The following GRIN2B variants were observed in gnomAD, a reference collection of about 807,000 sequenced individuals.
The protein encoded by GRIN2B is glutamate receptor ionotropic, NMDA 2B.
GRIN2B carries 5 observed loss-of-function variants against 114.5 expected under a neutral mutation model. The observed-to-expected ratio is 0.04, with a 90% CI of 0.02 to 0.09. The LOEUF (loss-of-function observed/expected upper bound fraction) is 0.09, where lower values mean the gene tolerates loss of function less well. Among genes scored for constraint, GRIN2B ranks in the 10% least tolerant of loss-of-function variants. The pLI, the probability that GRIN2B is intolerant of heterozygous loss-of-function variation, is 1.00. For synonymous variants in GRIN2B, 787 were observed against 745.1 expected, an observed-to-expected ratio of 1.06 and a Z score of -0.92; for missense variants, 1,108 against 1,943.5, an observed-to-expected ratio of 0.57 and a Z score of 8.08.
intron 3 of GRIN2B, 83 bp downstream of exon 3, chr12:13,865,711 TAACA>T: frequency 2.7e-6 from 3 of 1,121,300 alleles, no homozygotes; most frequent in Non-Finnish European, 4.1e-6. Flanking sequence ...CTTCCATCAT[TAACA>T]ATCAAGTTTT....
intron 10 of GRIN2B, among the ~76,000 whole-genome samples, chr12:13,607,092 G>C (rs995249536): frequency 1.4e-5 from 2 of 141,366 alleles, no homozygotes; most frequent in African/African-American, 5.3e-5. Flanking sequence ...CACACTGGCA[G>C]CCCTGTGCAT....
chr12:13,914,314 A>G (rs915539200), intron 2 of GRIN2B, among the ~76,000 whole-genome samples: 3 of 152,192 alleles, frequency 2.0e-5, no homozygotes, highest in African/African-American at 7.2e-5. Flanking sequence ...CATGGTACTT[A>G]ATGCCTCTTA....
At chr12:13,887,747 G>T (rs1866189756) in intron 2 of GRIN2B, among the ~76,000 whole-genome samples, 1 of 152,144 alleles carries the variant, frequency 6.6e-6, no homozygotes, top group African/African-American at 2.4e-5. Context: ...TATTTCTTTG[G>T]AGCAATCTCG....
At position 13,559,442 on chromosome 12, in the gene GRIN2B, G is replaced by A. The variant is rs1418785838; in HGVS notation, c.*3341C>T. On this transcript the variant is annotated 3_prime_UTR_variant, in exon 14 of 14. Transcript: ENST00000609686. Reference sequence around the variant, plus strand: ...TAGGAAAAGAAGTTCTATTTGTCTGGTTAACCCAAGGCCAGATTATGAACA... The same window carrying A: ...TAGGAAAAGAAGTTCTATTTGTCTGATTAACCCAAGGCCAGATTATGAACA... 2 of 152,138 alleles carry A rather than the reference G, an allele frequency of 1.3e-5. No homozygotes were observed. Among genetic ancestry groups the A allele is most frequent in the Non-Finnish European group, 2.9e-5 (2 of 68,044 alleles). 9.4% of individuals were successfully genotyped at this position (152,138 alleles called of 1,614,324 possible).
intron 13 of GRIN2B, among the ~76,000 whole-genome samples, chr12:13,566,094 T>G (rs1245818983): frequency 3.3e-5 from 5 of 152,198 alleles, no homozygotes; most frequent in Admixed American, 6.5e-5. Flanking sequence ...CAGCCTCCTG[T>G]TCTGAGCTCA....
chr12:13,907,216 C>T (rs190515223), intron 2 of GRIN2B, among the ~76,000 whole-genome samples: 23 of 152,278 alleles, frequency 1.5e-4, no homozygotes, highest in Admixed American at 3.9e-4. Context: ...GAGGGCCGGG[C>T]GTGGTGGCTC....
At chr12:13,614,207 AC>A (rs1295076895) in intron 8 of GRIN2B, among the ~76,000 whole-genome samples, 3 of 152,198 alleles carry the variant, frequency 2.0e-5, no homozygotes, top group Non-Finnish European at 4.4e-5. Flanking sequence ...CTATAACTCC[AC>A]TTTGCAATGC....
chr12:13,823,065 C>T (rs1251380265), intron 3 of GRIN2B, among the ~76,000 whole-genome samples: 1 of 151,998 alleles, frequency 6.6e-6, no homozygotes, highest in Non-Finnish European at 1.5e-5. Context: ...ATGCCAATAC[C>T]ACATTGTCCT....
In GRIN2B at chr12:13,775,540, G is replaced by C. The variant is rs371182264; in HGVS notation, c.412-21625C>G. The stretch of plus-strand genomic sequence containing the variant: ...GGTATTTGTTTGCAGTTCTCTGTCT[G>C]CCTATCTGATGTCAAGAAGAAGATA... On this transcript the variant is annotated intron_variant, in intron 3 of 13. Transcript: ENST00000609686. 9.8e-5 allele frequency among the ~76,000 whole-genome samples: 15 copies of C among 152,294 alleles called. No homozygotes were observed. The South Asian group carries it at 1.9e-3, about 19-fold the overall frequency.
intron 3 of GRIN2B, among the ~76,000 whole-genome samples, chr12:13,792,952 A>C (rs1191310275): frequency 6.6e-6 from 1 of 152,262 alleles, no homozygotes; most frequent in African/African-American, 2.4e-5. Context: ...AATGAGTAGG[A>C]AGAAGCAAGA....
chr12:13,792,261 T>C (rs187289404), intron 3 of GRIN2B, among the ~76,000 whole-genome samples: 57 of 152,272 alleles, frequency 3.7e-4, no homozygotes, highest in Middle Eastern at 6.8e-3. Context: ...TCTATTTTCA[T>C]GAGAAACAGA....
chr12:13,714,729 A>C (rs1379888938), intron 4 of GRIN2B, among the ~76,000 whole-genome samples: 1 of 151,896 alleles, frequency 6.6e-6, no homozygotes. Flanking sequence ...AATACAAATC[A>C]CCTAATTTTT....
Position 13,844,177 on chromosome 12 carries a change from C to T in GRIN2B, c.411+21621G>A, listed in dbSNP as rs147314392. Among the ~76,000 whole-genome samples the T allele has an allele frequency of 2.7e-3, 414 of 152,320 alleles. 4 individuals carry two copies. Among genetic ancestry groups the T allele is most frequent in the African/African-American group, 9.6e-3 (399 of 41,578 alleles). ...GCTCTTTTTCTTCCCCAGGAGGGGA[C>T]GGATAAGGTGAGAGGCTGTAGACTT... On this transcript the variant is annotated intron_variant, in intron 3 of 13. Transcript: ENST00000609686.
At chr12:13,760,739 A>C (rs940883792) in intron 3 of GRIN2B, among the ~76,000 whole-genome samples, 1 of 152,200 alleles carries the variant, frequency 6.6e-6, no homozygotes, top group African/African-American at 2.4e-5. Flanking sequence ...TGAGTACTCC[A>C]TCTTCACTCC....
intron 4 of GRIN2B, among the ~76,000 whole-genome samples, chr12:13,734,394 T>C (rs952215574): frequency 2.0e-5 from 3 of 152,134 alleles, no homozygotes; most frequent in Non-Finnish European, 2.9e-5. Flanking sequence ...AGGAATCCCT[T>C]CCAAGTACGT....
chr12:13,846,052 C>A (rs1336685371), intron 3 of GRIN2B, among the ~76,000 whole-genome samples: 1 of 152,158 alleles, frequency 6.6e-6, no homozygotes, highest in Non-Finnish European at 1.5e-5. Flanking sequence ...GGACATCATA[C>A]CAGAAACTTC....
intron 9 of GRIN2B, chr12:13,609,866 T>G (rs1949343320): frequency 6.6e-6 from 1 of 152,208 alleles, no homozygotes; most frequent in Non-Finnish European, 1.5e-5. Context: ...AGGAAGCTGC[T>G]TTTGACTTTG....
chr12:13,948,704 A>G (rs1252585860), intron 2 of GRIN2B, among the ~76,000 whole-genome samples: 2 of 152,190 alleles, frequency 1.3e-5, no homozygotes, highest in African/African-American at 2.4e-5. Flanking sequence ...TGTAGGTTAC[A>G]TTAATCTCAT....
intron 2 of GRIN2B, among the ~76,000 whole-genome samples, chr12:13,945,892 C>A (rs1056535634): frequency 1.3e-5 from 2 of 152,150 alleles, no homozygotes; most frequent in African/African-American, 4.8e-5. Flanking sequence ...CCAAACAGGG[C>A]AGCCTAGGAT....
Sources: allele counts gnomAD v4.1 joint callset (sites outside exome capture counted in the v4.1 genomes callset), GRCh38; gene constraint gnomAD v4.1.1; transcripts MANE v1.5; gene names NCBI Gene and HGNC (gene_info 2026-07-23, HGNC 2026-07-21).